DTD1: variants seen among roughly 807,000 people sequenced by gnomAD.
The protein encoded by DTD1 is D-aminoacyl-tRNA deacylase 1.
In DTD1, 13 loss-of-function variants were observed where a neutral mutation model predicts 25.6. The observed-to-expected ratio is 0.51, with a 90% confidence interval of 0.33 to 0.81. The LOEUF is 0.81. DTD1 is among the 30% of genes least tolerant of loss of function. DTD1 has a pLI of 0.02. For synonymous variants in DTD1, 110 were observed against 103.6 expected (o/e 1.06, Z -0.37); for missense variants, 193 against 266.4 (o/e 0.72, Z 1.92).
intron 4 of DTD1, among the ~76,000 whole-genome samples, chr20:18,702,279 C>G (rs1490993239): frequency 1.3e-5 from 2 of 152,218 alleles, no homozygotes; most frequent in Non-Finnish European, 2.9e-5. Context: ...CTCCCGCCCC[C>G]TTCCCTCCAT....
At chr20:18,679,209 C>G (rs2060987291) in intron 4 of DTD1, among the ~76,000 whole-genome samples, 2 of 152,332 alleles carry the variant, frequency 1.3e-5, no homozygotes, top group South Asian at 2.1e-4. Context: ...GCCTGTTGGC[C>G]TGACAACCGT....
At chr20:18,737,818 A>T (rs770615894) in intron 4 of DTD1, among the ~76,000 whole-genome samples, 15 of 152,234 alleles carry the variant, frequency 9.9e-5, no homozygotes, top group Non-Finnish European at 1.6e-4. Flanking sequence ...CTGCAGCAGC[A>T]TGTTGCTAAA....
chr20:18,615,374 A>C (rs1335538265), intron 3 of DTD1, among the ~76,000 whole-genome samples: 1 of 152,188 alleles, frequency 6.6e-6, no homozygotes, highest in Non-Finnish European at 1.5e-5. Flanking sequence ...CTCTACTGAG[A>C]ATGAGCTAAA....
chr20:18,651,685 A>G (rs1001806949), intron 4 of DTD1, among the ~76,000 whole-genome samples: 18 of 152,006 alleles, frequency 1.2e-4, no homozygotes, highest in Non-Finnish European at 4.4e-5. Context: ...GTTCAGTGAA[A>G]TTTTTCTGGA....
At chr20:18,682,765 G>A (rs1213040801) in intron 4 of DTD1, among the ~76,000 whole-genome samples, 1 of 152,202 alleles carries the variant, frequency 6.6e-6, no homozygotes, top group African/African-American at 2.4e-5. Context: ...CCACTAGTTG[G>A]TTTCAGTTAC....
At chr20:18,726,202 C>G (rs2061221871) in intron 4 of DTD1, among the ~76,000 whole-genome samples, 1 of 152,214 alleles carries the variant, frequency 6.6e-6, no homozygotes. Flanking sequence ...TTGATTGAAC[C>G]TAAAATGCAA....
At chr20:18,591,676 T>C (rs2060590159) in intron 1 of DTD1, among the ~76,000 whole-genome samples, 3 of 152,222 alleles carry the variant, frequency 2.0e-5, no homozygotes, top group Admixed American at 2.0e-4. Flanking sequence ...ACTTTGATGA[T>C]AGATATAACT....
chr20:18,638,693 C>T (rs919684331), intron 4 of DTD1, among the ~76,000 whole-genome samples: 4 of 152,136 alleles, frequency 2.6e-5, no homozygotes, highest in Non-Finnish European at 4.4e-5. Flanking sequence ...AGGAATTTGG[C>T]TTTTATTGTT....
At chr20:18,761,839 A>G (rs887481001) in intron 5 of DTD1, among the ~76,000 whole-genome samples, 1 of 152,236 alleles carries the variant, frequency 6.6e-6, no homozygotes, top group Admixed American at 6.5e-5. Context: ...AACATCATCC[A>G]CACAATGTAA....
intron 3 of DTD1, among the ~76,000 whole-genome samples, chr20:18,618,746 CTT>C (rs1156443646): frequency 6.8e-6 from 1 of 147,272 alleles, no homozygotes; most frequent in Non-Finnish European, 1.5e-5. Flanking sequence ...GAGTTTTGCT[CTT>C]GTTGCCCAGG....
chr20:18,724,339 T>C (rs966132257), intron 4 of DTD1, among the ~76,000 whole-genome samples: 6 of 152,316 alleles, frequency 3.9e-5, no homozygotes, highest in African/African-American at 1.4e-4. Flanking sequence ...GACACCTTTG[T>C]GAAATTTGTA....
chr20:18,616,469 C>T (rs1380836865), intron 3 of DTD1, among the ~76,000 whole-genome samples: 6 of 152,028 alleles, frequency 3.9e-5, no homozygotes, highest in Non-Finnish European at 8.8e-5. Flanking sequence ...CTCCCTTCCC[C>T]TACCTAAAAT....
chr20:18,692,855 A>G (rs1934642732), intron 4 of DTD1, among the ~76,000 whole-genome samples: 1 of 151,044 alleles, frequency 6.6e-6, no homozygotes, highest in Admixed American at 6.6e-5. Context: ...TGCTACTTGT[A>G]CATCATTTGG....
intron 4 of DTD1, among the ~76,000 whole-genome samples, chr20:18,694,469 G>A (rs1490623644): frequency 6.6e-6 from 1 of 152,204 alleles, no homozygotes; most frequent in African/African-American, 2.4e-5. Flanking sequence ...CAGAGCATTG[G>A]TGAGGGCTCC....
intron 4 of DTD1, among the ~76,000 whole-genome samples, chr20:18,652,753 C>T (rs114092594): frequency 0.012 from 1,773 of 152,142 alleles, 30 homozygotes; most frequent in African/African-American, 0.039. Flanking sequence ...GAGTAGCATC[C>T]GAATTTCCAT....
intron 4 of DTD1, among the ~76,000 whole-genome samples, chr20:18,682,408 G>A (rs1182603935): frequency 1.3e-5 from 2 of 152,158 alleles, no homozygotes; most frequent in Non-Finnish European, 2.9e-5. Context: ...AGTATCTATT[G>A]TTTTAATCCA....
chr20:18,727,883 C>T (rs1165961601), intron 4 of DTD1, among the ~76,000 whole-genome samples: 1 of 152,228 alleles, frequency 6.6e-6, no homozygotes, highest in Non-Finnish European at 1.5e-5. Context: ...ACACTTCACT[C>T]ACCCACCTAG....
intron 5 of DTD1, among the ~76,000 whole-genome samples, chr20:18,761,019 T>A (rs1189261629): frequency 6.6e-6 from 1 of 152,110 alleles, no homozygotes; most frequent in South Asian, 2.1e-4. Context: ...TCTGTGGGCG[T>A]AGGACCCTCA....
intron 4 of DTD1, among the ~76,000 whole-genome samples, chr20:18,735,588 T>C (rs1568685071): frequency 1.3e-5 from 2 of 152,254 alleles, no homozygotes; most frequent in Non-Finnish European, 2.9e-5. Context: ...TGTCACAATC[T>C]AAGGGGTCAT....
Sources: gnomAD v4.1 joint callset for allele counts (sites outside exome capture counted in the v4.1 genomes callset) on GRCh38, gnomAD v4.1.1 for gene constraint, MANE v1.5 for transcripts, NCBI Gene and HGNC (gene_info 2026-07-23, HGNC 2026-07-21) for gene names.